The following HYDIN variants were observed in gnomAD, a reference collection of about 807,000 sequenced individuals.
HYDIN encodes the protein axonemal central pair apparatus protein HYDIN.
In HYDIN, 132 loss-of-function variants were observed where a neutral mutation model predicts 403.9. The observed-to-expected ratio is 0.33, with a 90% CI of 0.28 to 0.38. The LOEUF is 0.38. Among genes scored for constraint, HYDIN ranks in the 10% least tolerant of loss-of-function variants. The pLI is 1.00. For missense variants in HYDIN, 2,827 were observed against 5,009.5 expected (o/e 0.56, Z 13.15); for synonymous variants, 1,202 against 1,891.7 (o/e 0.64, Z 9.46).
chr16:70,920,544 C>T (rs542527470), intron 46 of HYDIN, 47 bp downstream of exon 46: 2 of 1,476,944 alleles, frequency 1.4e-6, no homozygotes, highest in African/African-American at 2.8e-5. Context: ...TAGCACAGCG[C>T]CTGCTGCCTG....
intron 36 of HYDIN, among the ~76,000 whole-genome samples, chr16:70,966,844 G>A (rs1347042552): frequency 6.6e-6 from 1 of 151,620 alleles, no homozygotes; most frequent in Non-Finnish European, 1.5e-5. Context: ...CCACTGTAAG[G>A]ATTGGTGTTG....
chr16:71,145,834 A>G (rs1014806958), intron 7 of HYDIN, among the ~76,000 whole-genome samples: 6 of 152,090 alleles, frequency 3.9e-5, no homozygotes, highest in African/African-American at 1.4e-4. Flanking sequence ...TGGGCTTCTG[A>G]TTAGTTCTGT....
chr16:71,191,071 C>T (rs1352035525), intron 1 of HYDIN, among the ~76,000 whole-genome samples: 1 of 152,012 alleles, frequency 6.6e-6, no homozygotes, highest in African/African-American at 2.4e-5. Context: ...AAGAGTAGAC[C>T]TTGTTTGGAT....
intron 9 of HYDIN, among the ~76,000 whole-genome samples, chr16:71,124,596 T>A (rs935199797): frequency 6.6e-6 from 1 of 151,068 alleles, no homozygotes; most frequent in Non-Finnish European, 1.5e-5. Flanking sequence ...TAGATATAGG[T>A]CTGAGAAAAT....
At chr16:71,010,700 C>T (rs1338274266) in intron 23 of HYDIN, among the ~76,000 whole-genome samples, 1 of 152,232 alleles carries the variant, frequency 6.6e-6, no homozygotes, top group Non-Finnish European at 1.5e-5. Context: ...CCTGAGCTAC[C>T]CAGGGACAGC....
At chr16:71,185,059 C>T (rs912181458) in intron 2 of HYDIN, 69 bp from the exon 3 acceptor site, 10 of 1,105,930 alleles carry the variant, frequency 9.0e-6, no homozygotes, top group Non-Finnish European at 1.0e-5. Flanking sequence ...TTCATAAGTA[C>T]CAGTAATGAA....
intron 41 of HYDIN, among the ~76,000 whole-genome samples, chr16:70,944,499 C>G (rs570638688): frequency 2.6e-5 from 4 of 152,152 alleles, no homozygotes; most frequent in African/African-American, 9.6e-5. Flanking sequence ...GGGAGCAGAG[C>G]CTTTCTGGGA....
chr16:71,182,529 C>T (rs1555502928), intron 3 of HYDIN, among the ~76,000 whole-genome samples: 1 of 152,008 alleles, frequency 6.6e-6, no homozygotes, highest in Non-Finnish European at 1.5e-5. Flanking sequence ...AATACAACTC[C>T]AAAGTGTTTG....
At position 70,850,486 on chromosome 16, in the gene HYDIN, A is replaced by G. The variant is rs2038556119; in HGVS notation, c.12613T>C (p.Leu4205=). Residue 4205 remains leucine, a synonymous_variant, in exon 74 of 86, where the codon TTG becomes CTG. Transcript: ENST00000393567. ...ATGATGTTAGTCTGGTTGGGAGTCA[A>G]CAGAGTGATGGAGCCTGTCCTGTCC... is the stretch of plus-strand genomic sequence containing the variant. ...CKDRTGSITL[L]TPNQTNIINF... The G allele has an allele frequency of 6.3e-7, 1 of 1,596,350 alleles. No individual in the cohort carries two copies. Among genetic ancestry groups the G allele is most frequent in the Admixed American group, 1.7e-5 (1 of 58,116 alleles).
intron 75 of HYDIN, among the ~76,000 whole-genome samples, chr16:70,849,466 C>T (rs530346272): frequency 4.7e-4 from 72 of 152,082 alleles, no homozygotes; most frequent in African/African-American, 1.6e-3. Flanking sequence ...ATATTCTTTC[C>T]CTGCCCCATC....
At chr16:70,878,179 G>A (rs1203660961) in intron 62 of HYDIN, among the ~76,000 whole-genome samples, 1 of 151,804 alleles carries the variant, frequency 6.6e-6, no homozygotes, top group Non-Finnish European at 1.5e-5. Context: ...AAGATCTGAT[G>A]GTTTTATAAA....
chr16:71,222,825 C>A (rs899268814), intron 1 of HYDIN, among the ~76,000 whole-genome samples: 1 of 152,136 alleles, frequency 6.6e-6, no homozygotes, highest in African/African-American at 2.4e-5. Flanking sequence ...AAAAGCACTG[C>A]TGAAATAAAT....
chr16:70,939,441 G>A lies in HYDIN; in HGVS notation c.6854-686C>T, dbSNP rs2077601888. On this transcript the variant is annotated intron_variant, in intron 43 of 85. Coordinates refer to ENST00000393567, the MANE Select transcript of HYDIN (RefSeq NM_001270974.2). ...GAAATTTCTCCTGGTTAAATTGTGG[G>A]CTCTTCTCCCCTAAATCATCTGCAT... 2.6e-5 allele frequency among the ~76,000 whole-genome samples: 4 copies of A among 152,034 alleles called. No homozygotes were observed. In the South Asian group the frequency reaches 8.3e-4, roughly 32 times the overall value.
At chr16:70,978,183 C>G (rs1597457387) in intron 30 of HYDIN, among the ~76,000 whole-genome samples, 2 of 152,000 alleles carry the variant, frequency 1.3e-5, no homozygotes, top group Non-Finnish European at 2.9e-5. Context: ...CTCAGTCCCC[C>G]TCCTTACCCC....
At chr16:71,058,671 A>C (rs2081982310) in intron 18 of HYDIN, among the ~76,000 whole-genome samples, 1 of 151,290 alleles carries the variant, frequency 6.6e-6, no homozygotes, top group Non-Finnish European at 1.5e-5. Flanking sequence ...CCACCATTTC[A>C]TGTCTGTTCT....
intron 45 of HYDIN, among the ~76,000 whole-genome samples, chr16:70,923,456 G>A (rs1332675790): frequency 3.0e-5 from 3 of 99,354 alleles, no homozygotes; most frequent in African/African-American, 1.2e-4. Flanking sequence ...CAACAAGAGT[G>A]AAACTCCATC....
At chr16:71,224,694 T>A (rs902309625) in intron 1 of HYDIN, among the ~76,000 whole-genome samples, 1 of 149,470 alleles carries the variant, frequency 6.7e-6, no homozygotes, top group East Asian at 2.0e-4. Context: ...CCCAAGTAGC[T>A]GGGACTACAG....
At chr16:71,023,860 G>C (rs1283212131) in intron 21 of HYDIN, among the ~76,000 whole-genome samples, 2 of 151,022 alleles carry the variant, frequency 1.3e-5, no homozygotes, top group Admixed American at 1.3e-4. Context: ...CAAAATAAAT[G>C]GTCTTGAACA....
chr16:71,130,794 C>T (rs1381911471), intron 8 of HYDIN, among the ~76,000 whole-genome samples: 1 of 147,976 alleles, frequency 6.8e-6, no homozygotes, highest in Non-Finnish European at 1.5e-5. Flanking sequence ...GGCCTATATA[C>T]CGGTTTTCTC....
Sources: allele counts gnomAD v4.1 joint callset (sites outside exome capture counted in the v4.1 genomes callset), GRCh38; gene constraint gnomAD v4.1.1; transcripts MANE v1.5; gene names NCBI Gene and HGNC (gene_info 2026-07-23, HGNC 2026-07-21).